RANBP17: variants seen among roughly 807,000 people sequenced by gnomAD.
The protein encoded by RANBP17 is ran-binding protein 17.
RANBP17 carries 158 observed loss-of-function variants against 141.2 expected under a neutral mutation model. That is an observed-to-expected ratio of 1.12 (90% confidence interval 0.98 to 1.28). RANBP17 has a LOEUF of 1.28. Ranked by LOEUF, RANBP17 falls within the 50% of genes most tolerant of loss-of-function variation. RANBP17 has a pLI of 0.00. For synonymous variants in RANBP17, 430 were observed against 450.0 expected (o/e 0.96, Z 0.56); for missense variants, 1,438 against 1,290.7 (o/e 1.11, Z -1.75).
At chr5:171,020,667 T>A (rs1181885723) in intron 14 of RANBP17, among the ~76,000 whole-genome samples, 1 of 152,166 alleles carries the variant, frequency 6.6e-6, no homozygotes, top group African/African-American at 2.4e-5. Context: ...CCTATGTGTG[T>A]CTTTGCATGT....
At chr5:170,971,823 T>C (rs1777011065) in intron 14 of RANBP17, among the ~76,000 whole-genome samples, 2 of 152,288 alleles carry the variant, frequency 1.3e-5, no homozygotes, top group Non-Finnish European at 1.5e-5. Context: ...CTTGCCCTCT[T>C]TGTTTCCATT....
At chr5:171,264,796 T>G (rs1296346380) in intron 24 of RANBP17, among the ~76,000 whole-genome samples, 1 of 152,220 alleles carries the variant, frequency 6.6e-6, no homozygotes, top group South Asian at 2.1e-4. Context: ...ACCAGAACTG[T>G]CTGGCTCCAA....
Position 170,899,465 on chromosome 5 carries a change from CAG to C in RANBP17, c.489+3354_489+3355del, listed in dbSNP as rs767741145. On this transcript the variant is annotated intron_variant, in intron 5 of 27. Transcript: ENST00000523189. ...AATATACAATCATGTCATCTGCAAACAGAGACAGTTTGACTTCCTATCTTCCT... is the reference window on the plus strand; with the variant it reads ...AATATACAATCATGTCATCTGCAAACAGACAGTTTGACTTCCTATCTTCCT... Among the ~76,000 whole-genome samples, 83 of 152,220 alleles carry C rather than the reference CAG, an allele frequency of 5.5e-4. 1 individual carries two copies. Among genetic ancestry groups the C allele is most frequent in the Non-Finnish European group, 1.2e-4 (8 of 68,030 alleles).
rs183169097 is a variant in RANBP17 at position 171,005,293 on chromosome 5, C to T, written c.1710+36916C>T. 2.9e-3 allele frequency among the ~76,000 whole-genome samples: 447 copies of T among 152,222 alleles called. 2 individuals carry two copies. Among genetic ancestry groups the T allele is most frequent in the Middle Eastern group, 6.8e-3 (2 of 294 alleles). ...AAGAGCCTGCATTGCCAAGTCAATCCTAAGCCAAAAGAACAAAGCTGGAGG... is the reference window on the plus strand; with the variant it reads ...AAGAGCCTGCATTGCCAAGTCAATCTTAAGCCAAAAGAACAAAGCTGGAGG... On this transcript the variant is annotated intron_variant, in intron 14 of 27. Coordinates refer to ENST00000523189, the MANE Select transcript of RANBP17 (RefSeq NM_022897.5).
At chr5:171,006,756 AAAG>A (rs1779650561) in intron 14 of RANBP17, among the ~76,000 whole-genome samples, 1 of 151,646 alleles carries the variant, frequency 6.6e-6, no homozygotes, top group Admixed American at 6.6e-5. Context: ...AAAAAAAAAA[AAAG>A]AATAGGTCGG....
intron 24 of RANBP17, chr5:171,253,031 C>G (rs904703989): frequency 2.3e-5 from 25 of 1,077,876 alleles, no homozygotes; most frequent in Admixed American, 3.5e-5. Flanking sequence ...CATTTCTTCT[C>G]TGGTTATTTT....
intron 25 of RANBP17, among the ~76,000 whole-genome samples, chr5:171,286,655 T>G (rs565364504): frequency 6.6e-6 from 1 of 152,296 alleles, no homozygotes; most frequent in East Asian, 1.9e-4. Context: ...AGAGAACAAT[T>G]GATTTCTTTT....
intron 14 of RANBP17, among the ~76,000 whole-genome samples, chr5:171,163,467 A>G (rs1386582867): frequency 1.3e-5 from 2 of 152,128 alleles, no homozygotes; most frequent in Non-Finnish European, 2.9e-5. Context: ...TCCCTCCTCT[A>G]CTAATGCCTT....
intron 14 of RANBP17, among the ~76,000 whole-genome samples, chr5:171,060,554 ATTCGGTTTGTCAGTAT>A (rs1369637157): frequency 2.6e-5 from 4 of 152,204 alleles, no homozygotes; most frequent in African/African-American, 9.6e-5. Context: ...GTGGTGCTGG[ATTCGGTTTGTCAGTAT>A]TTTATTGAGG....
chr5:171,159,589 A>T (rs1275447318), intron 14 of RANBP17, among the ~76,000 whole-genome samples: 1 of 152,142 alleles, frequency 6.6e-6, no homozygotes, highest in African/African-American at 2.4e-5. Context: ...AACTAATGAT[A>T]GTGTTCTGGA....
At chr5:170,958,719 A>G (rs1775922329) in intron 13 of RANBP17, among the ~76,000 whole-genome samples, 2 of 152,122 alleles carry the variant, frequency 1.3e-5, no homozygotes, top group South Asian at 4.1e-4. Flanking sequence ...TTCATGTGCT[A>G]TTTTGGCATG....
In RANBP17 at chr5:170,880,541, T is replaced by C. The variant is rs529532960; in HGVS notation, c.166-1265T>C. 1.1e-3 allele frequency among the ~76,000 whole-genome samples: 161 copies of C among 152,304 alleles called. 1 individual carries two copies. The highest frequency in any genetic ancestry group is 3.7e-3 in the African/African-American group (153 of 41,568). On this transcript the variant is annotated intron_variant, in intron 2 of 27. Coordinates refer to ENST00000523189, the MANE Select transcript of RANBP17 (RefSeq NM_022897.5). ...TTGGTTGCAGTCTCATTTTTTATATTTGTAAAGACAGTCTACTATGATGAG... is the reference window on the plus strand; with the variant it reads ...TTGGTTGCAGTCTCATTTTTTATATCTGTAAAGACAGTCTACTATGATGAG...
At chr5:170,935,765 C>G (rs541337434) in intron 12 of RANBP17, among the ~76,000 whole-genome samples, 16 of 152,292 alleles carry the variant, frequency 1.1e-4, no homozygotes, top group South Asian at 6.2e-4. Context: ...AGGAGGCAGT[C>G]GGTCCGTTCT....
intron 21 of RANBP17, among the ~76,000 whole-genome samples, chr5:171,218,070 A>G (rs1329797711): frequency 6.6e-6 from 1 of 152,204 alleles, no homozygotes; most frequent in Non-Finnish European, 1.5e-5. Context: ...GCTGTGTCCC[A>G]GAGATTCTAG....
chr5:171,009,960 A>T (rs1202413286), intron 14 of RANBP17, among the ~76,000 whole-genome samples: 1 of 152,178 alleles, frequency 6.6e-6, no homozygotes, highest in African/African-American at 2.4e-5. Context: ...GCACAAGTTT[A>T]TGCAGTATAT....
intron 14 of RANBP17, among the ~76,000 whole-genome samples, chr5:171,092,778 A>G (rs1786399199): frequency 6.6e-6 from 1 of 152,230 alleles, no homozygotes; most frequent in Non-Finnish European, 1.5e-5. Context: ...TATTCACCCC[A>G]TAGTAATGAA....
rs543585742 is a variant in RANBP17 at position 171,075,270 on chromosome 5, T to C, written c.1711-94860T>C. Among the ~76,000 whole-genome samples, 25 of 152,368 alleles carry C rather than the reference T, an allele frequency of 1.6e-4. 1 individual carries two copies. The highest frequency in any genetic ancestry group is 1.2e-3 in the Admixed American group (18 of 15,308). On this transcript the variant is annotated intron_variant, in intron 14 of 27. Transcript: ENST00000523189. ...TAGGAAAAACTCAGAGAAATTATTT[T>C]AGATGATTTAGAATTAAATGACATA...
chr5:171,175,104 C>G (rs1760359689), intron 16 of RANBP17, among the ~76,000 whole-genome samples: 1 of 152,114 alleles, frequency 6.6e-6, no homozygotes. Context: ...CCTGCTTCAT[C>G]CATGTCCCTG....
At position 170,968,375 on chromosome 5, in the gene RANBP17, A is replaced by G. The variant is rs1167298059; in HGVS notation, c.1708A>G (p.Lys570Glu). 1 of 1,603,868 alleles carries G rather than the reference A, an allele frequency of 6.2e-7. No homozygotes were observed. Among genetic ancestry groups the G allele is most frequent in the South Asian group, 1.1e-5 (1 of 88,782 alleles). ...TGGTGATCAACTTCAAAGAACCTCA[A>G]AGGTAGGTTTCTACTAGAGAGTTTA... is the stretch of plus-strand genomic sequence containing the variant. ...YVGDQLQRTS[K>E]VYARMSEVLG... The change falls in exon 14 of 28, where the codon AAG (lysine) becomes GAG (glutamate). Residue 570 changes from lysine to glutamate, a missense_variant and splice_region_variant. Lys to Glu is a moderately conservative substitution (Grantham distance 56). Transcript: ENST00000523189.
Sources: allele counts gnomAD v4.1 joint callset (sites outside exome capture counted in the v4.1 genomes callset), GRCh38; gene constraint gnomAD v4.1.1; transcripts MANE v1.5; gene names NCBI Gene and HGNC (gene_info 2026-07-23, HGNC 2026-07-21).